The following EDARADD variants were observed in gnomAD, a reference collection of about 807,000 sequenced individuals.
EDARADD encodes EDAR associated via death domain.
EDARADD carries 20 observed loss-of-function variants against 25.6 expected under a neutral mutation model. That is an observed-to-expected ratio of 0.78 (90% confidence interval 0.55 to 1.14). The LOEUF (loss-of-function observed/expected upper bound fraction) is 1.14. Among genes scored for constraint, EDARADD ranks in the 50% most tolerant of loss-of-function variants. The pLI is 0.00. For synonymous variants in EDARADD, 86 were observed against 94.4 expected (o/e 0.91, Z 0.52); for missense variants, 225 against 270.1 (o/e 0.83, Z 1.17).
At chr1:236,377,942 C>T (rs976389670) in intron 3 of EDARADD, among the ~76,000 whole-genome samples, 2 of 152,094 alleles carry the variant, frequency 1.3e-5, no homozygotes, top group African/African-American at 4.8e-5. Context: ...ACCTGCTGGA[C>T]ATGATATACT....
chr1:236,374,748 T>C (rs1667206457), intron 3 of EDARADD, among the ~76,000 whole-genome samples: 1 of 151,974 alleles, frequency 6.6e-6, no homozygotes, highest in Non-Finnish European at 1.5e-5. Context: ...ATTAGTGTTA[T>C]CATGGTATGT....
intron 4 of EDARADD, among the ~76,000 whole-genome samples, chr1:236,465,699 G>A (rs185124266): frequency 7.9e-5 from 12 of 152,220 alleles, no homozygotes; most frequent in African/African-American, 2.6e-4. Context: ...CTTTGTCTAT[G>A]CATTGCAATA....
chr1:236,348,445 G>A (rs1296783260), intron 1 of EDARADD, among the ~76,000 whole-genome samples: 1 of 152,204 alleles, frequency 6.6e-6, no homozygotes, highest in Non-Finnish European at 1.5e-5. Context: ...GCTGCTGGGC[G>A]CGCTCTTCTT....
intron 4 of EDARADD, among the ~76,000 whole-genome samples, chr1:236,456,058 G>GA (rs1658854880): frequency 6.6e-6 from 1 of 152,046 alleles, no homozygotes; most frequent in Non-Finnish European, 1.5e-5. Context: ...CAAAGTACAG[G>GA]GATTATAGGC....
At chr1:236,368,440 C>CCTTT (rs1667136245) in intron 3 of EDARADD, among the ~76,000 whole-genome samples, 1 of 124,172 alleles carries the variant, frequency 8.1e-6, no homozygotes, top group Non-Finnish European at 1.6e-5. Flanking sequence ...CCAGTCTTTT[C>CCTTT]TTTTTTTTTT....
chr1:236,367,003 G>A (rs565342716), intron 3 of EDARADD, among the ~76,000 whole-genome samples: 1 of 147,258 alleles, frequency 6.8e-6, no homozygotes, highest in South Asian at 2.2e-4. Flanking sequence ...AGAATTGCTT[G>A]AACTCAGGAG....
Position 236,484,510 on chromosome 1 carries a change from T to G in EDARADD, c.*1861T>G. On this transcript the variant is annotated 3_prime_UTR_variant, in exon 6 of 6. Transcript: ENST00000334232. This position sits in a 1 kb window ranked among gnomAD's most constrained non-coding sequence, Gnocchi z 4.1. Reference sequence around the variant, plus strand: ...GCCCTTCAGTCACCTGGTGGCTAATTAGACCCCTCCCCTTGTGTCAACTCC... The same window carrying G: ...GCCCTTCAGTCACCTGGTGGCTAATGAGACCCCTCCCCTTGTGTCAACTCC... 6.6e-7 allele frequency: 1 copy of G among 1,519,004 alleles called. No individual in the cohort carries two copies. The highest frequency in any genetic ancestry group is 9.1e-7 in the Non-Finnish European group (1 of 1,100,588). The allele number at this position is 1,519,004 out of a possible 1,614,324, so 94.1% of individuals were successfully genotyped here.
At chr1:236,413,360 A>G (rs752663430) in intron 2 of EDARADD, among the ~76,000 whole-genome samples, 12 of 152,208 alleles carry the variant, frequency 7.9e-5, no homozygotes, top group Non-Finnish European at 1.5e-4. Context: ...GCCCAGCTCC[A>G]AAGAAACTCC....
At chr1:236,403,906 C>T (rs1667661391) in intron 1 of EDARADD, among the ~76,000 whole-genome samples, 2 of 152,168 alleles carry the variant, frequency 1.3e-5, no homozygotes, top group South Asian at 4.1e-4. Flanking sequence ...ACACCTCATT[C>T]TCACTGCCGG....
At chr1:236,441,314 ATATATAAATG>A (rs1339912862) in intron 4 of EDARADD, among the ~76,000 whole-genome samples, 1 of 145,274 alleles carries the variant, frequency 6.9e-6, no homozygotes, top group Non-Finnish European at 1.5e-5. Context: ...ATATATAAAT[ATATATAAATG>A]TATATAAATA....
At position 236,421,589 on chromosome 1, in the gene EDARADD, C is replaced by G. The variant is rs543790957; in HGVS notation, c.161-5803C>G. On this transcript the variant is annotated intron_variant, in intron 3 of 5. Coordinates refer to ENST00000334232, the MANE Select transcript of EDARADD (RefSeq NM_145861.4). The stretch of plus-strand genomic sequence containing the variant: ...CTCGGCTCACTGCAACCTCTGCCTC[C>G]CAAGTTCAAGCCATTCTCCTGCCGC... Among the ~76,000 whole-genome samples, 176 of 150,440 alleles carry G rather than the reference C, an allele frequency of 1.2e-3. 1 individual carries two copies. The highest frequency in any genetic ancestry group is 1.9e-3 in the Non-Finnish European group (128 of 67,718).
intron 4 of EDARADD, among the ~76,000 whole-genome samples, chr1:236,430,170 A>G (rs1045807941): frequency 6.6e-6 from 1 of 152,238 alleles, no homozygotes; most frequent in African/African-American, 2.4e-5. Context: ...GGAATTTTCA[A>G]CCATTAATTG....
rs1659776465 is a variant in EDARADD at position 236,484,516 on chromosome 1, C to T, written c.*1867C>T. 1 of 1,493,788 alleles carries T rather than the reference C, an allele frequency of 6.7e-7. No individual in the cohort carries two copies. The highest frequency in any genetic ancestry group is 9.3e-7 in the Non-Finnish European group (1 of 1,079,470). 92.5% of individuals were successfully genotyped at this position (1,493,788 alleles called of 1,614,324 possible). ...CAGTCACCTGGTGGCTAATTAGACC[C>T]CTCCCCTTGTGTCAACTCCGGCAGC... On this transcript the variant is annotated 3_prime_UTR_variant, in exon 6 of 6. Coordinates refer to ENST00000334232, the MANE Select transcript of EDARADD (RefSeq NM_145861.4). The surrounding 1 kb of genome is among the most constrained non-coding windows in gnomAD (Gnocchi z 4.1).
At chr1:236,393,221 C>T (rs928524054), upstream of EDARADD, among the ~76,000 whole-genome samples, 2 of 152,002 alleles carry the variant, frequency 1.3e-5, no homozygotes, top group African/African-American at 4.8e-5. Flanking sequence ...ATATTTGACT[C>T]CATGATTACC....
chr1:236,458,641 C>CTTTTTTTTTT lies in EDARADD; in HGVS notation c.220-9580_220-9571dup, dbSNP rs5781887. Among the ~76,000 whole-genome samples, 4 of 113,536 alleles carry CTTTTTTTTTT rather than the reference C, an allele frequency of 3.5e-5. 1 individual carries two copies. The highest frequency in any genetic ancestry group is 1.3e-4 in the African/African-American group (4 of 30,364). The allele number at this position is 113,536 out of a possible 152,430, so 74.5% of individuals were successfully genotyped here. ...TGTGTTTTTGGTATTTTTTCTTTTT[C>CTTTTTTTTTT]TTTTTTTTTTTTTTTTTTTGAGACG... On this transcript the variant is annotated intron_variant, in intron 4 of 5. Transcript: ENST00000334232.
At chr1:236,444,158 G>A (rs1050822812) in intron 4 of EDARADD, among the ~76,000 whole-genome samples, 2 of 152,032 alleles carry the variant, frequency 1.3e-5, no homozygotes, top group African/African-American at 4.8e-5. Flanking sequence ...CTAGACTACA[G>A]TATAGTGTAA....
rs377598546 is a variant in EDARADD at position 236,448,448 on chromosome 1, G to A, written c.220-19783G>A. Among the ~76,000 whole-genome samples, 8 of 152,280 alleles carry A rather than the reference G, an allele frequency of 5.3e-5. 1 individual carries two copies. In the South Asian group the frequency reaches 8.3e-4, roughly 16 times the overall value. ...ATCCTAGAGTCAGCCCCACCATGGCGGTCAGGGCAGGCCCACAATGACAGC... is the reference window on the plus strand; with the variant it reads ...ATCCTAGAGTCAGCCCCACCATGGCAGTCAGGGCAGGCCCACAATGACAGC... On this transcript the variant is annotated intron_variant, in intron 4 of 5. Transcript: ENST00000334232.
Position 236,427,375 on chromosome 1 carries a change from C to CTTTCT in EDARADD, c.161-14_161-13insCTTTT. On this transcript the variant is annotated splice_polypyrimidine_tract_variant and intron_variant, in intron 3 of 5. Coordinates refer to ENST00000334232, the MANE Select transcript of EDARADD (RefSeq NM_145861.4). ...TCACACTTTGTTTCTTTCTTTCTTT[C>CTTTCT]TTTTTTTTTTTCCTAGCTGAAGAAT... The CTTTCT allele has an allele frequency of 1.7e-6, 2 of 1,155,144 alleles. No homozygotes were observed. The highest frequency in any genetic ancestry group is 3.0e-5 in the East Asian group (1 of 32,870). The allele number at this position is 1,155,144 out of a possible 1,614,324, so 71.6% of individuals were successfully genotyped here. A position where few individuals can be genotyped will look rare whatever the true frequency, so the allele number is the denominator to read the frequency against.
At chr1:236,390,452 C>T (rs1182030601), upstream of EDARADD, among the ~76,000 whole-genome samples, 1 of 152,074 alleles carries the variant, frequency 6.6e-6, no homozygotes, top group African/African-American at 2.4e-5. Context: ...CTACAGGAGG[C>T]TGAGGCAGGA....
Sources: gnomAD v4.1 joint callset for allele counts (sites outside exome capture counted in the v4.1 genomes callset) on GRCh38, gnomAD v4.1.1 for gene constraint, Gnocchi (gnomAD v3.1) non-coding constraint, MANE v1.5 for transcripts, NCBI Gene and HGNC (gene_info 2026-07-23, HGNC 2026-07-21) for gene names.